ANKRD18B: variants seen among roughly 807,000 people sequenced by gnomAD.
ANKRD18B encodes the protein ankyrin repeat domain 18B.
A neutral mutation model predicts 111.8 loss-of-function variants in ANKRD18B; 75 were observed. That is an observed-to-expected ratio of 0.67 (90% CI 0.56 to 0.81). The LOEUF (loss-of-function observed/expected upper bound fraction) is 0.81, where lower values mean the gene tolerates loss of function less well. Ranked by LOEUF, ANKRD18B falls within the 40% of genes least tolerant of loss-of-function variation. ANKRD18B has a pLI of 0.00. For missense variants in ANKRD18B, 1,038 were observed against 1,225.5 expected (o/e 0.85, Z 2.28); for synonymous variants, 356 against 417.3 (o/e 0.85, Z 1.79).
chr9:33,539,230 G>A (rs1172715574), intron 6 of ANKRD18B, among the ~76,000 whole-genome samples: 3 of 152,150 alleles, frequency 2.0e-5, no homozygotes, highest in Non-Finnish European at 2.9e-5. Flanking sequence ...TTTACTGTGT[G>A]TCCAATGTCA....
At chr9:33,559,902 T>G (rs534044154) in intron 14 of ANKRD18B, among the ~76,000 whole-genome samples, 97 of 152,352 alleles carry the variant, frequency 6.4e-4, no homozygotes, top group African/African-American at 2.1e-3. Context: ...ACATCAATTT[T>G]AGAACACTTT....
At chr9:33,546,679 G>C (rs1271316079) in intron 10 of ANKRD18B, among the ~76,000 whole-genome samples, 1 of 152,094 alleles carries the variant, frequency 6.6e-6, no homozygotes, top group Non-Finnish European at 1.5e-5. Flanking sequence ...GTATTTATCT[G>C]GTAATTGATG....
Position 33,527,119 on chromosome 9 carries a change from G to A in ANKRD18B, c.207-1608G>A, listed in dbSNP as rs180924161. On this transcript the variant is annotated intron_variant, in intron 1 of 18. Coordinates refer to ENST00000684830, the MANE Select transcript of ANKRD18B (RefSeq NM_001393611.1). ...TTTTTCTCCCACCTTTCAAGCAAAA[G>A]CATTTCTGAAGGTAGAAAACAATAA... Among the ~76,000 whole-genome samples the A allele has an allele frequency of 3.3e-3, 509 of 152,218 alleles. 9 individuals carry two copies. Among genetic ancestry groups the A allele is most frequent in the Non-Finnish European group, 2.7e-3 (181 of 68,024 alleles).
At chr9:33,534,848 A>G (rs1828173149) in intron 5 of ANKRD18B, among the ~76,000 whole-genome samples, 2 of 124,240 alleles carry the variant, frequency 1.6e-5, no homozygotes, top group South Asian at 2.5e-4. Flanking sequence ...TTTTTTTGAG[A>G]CAAGGTCTCA....
In ANKRD18B at chr9:33,533,528, C is replaced by T. The variant is rs1275315169; in HGVS notation, c.585C>T (p.Ala195=). ...TGAAGAACCAGGCAAATATACATGC[C>T]GTTGACAATTTCAAAAGGTGCAATA... ...FLLKNQANIH[A]VDNFKRTALI... The change falls in exon 4 of 19, where the codon GCC becomes GCT. Residue 195 remains alanine, a synonymous_variant. Coordinates refer to ENST00000684830, the MANE Select transcript of ANKRD18B (RefSeq NM_001393611.1). 6.7e-5 allele frequency: 102 copies of T among 1,530,424 alleles called. No homozygotes were observed. The highest frequency in any genetic ancestry group is 7.9e-5 in the Non-Finnish European group (90 of 1,140,902). The allele number at this position is 1,530,424 out of a possible 1,614,324, so 94.8% of individuals were successfully genotyped here. A position where few individuals can be genotyped will look rare whatever the true frequency, so the allele number is the denominator to read the frequency against.
chr9:33,558,431 A>C (rs1372864744), intron 14 of ANKRD18B, among the ~76,000 whole-genome samples: 3 of 151,968 alleles, frequency 2.0e-5, no homozygotes, highest in African/African-American at 7.3e-5. Context: ...TCCCACTTAT[A>C]AGTGAGAGGA....
intron 1 of ANKRD18B, 33 bp downstream of exon 1, chr9:33,524,728 C>T (rs762194205): frequency 1.3e-6 from 2 of 1,529,706 alleles, no homozygotes; most frequent in South Asian, 2.4e-5. Flanking sequence ...TGGGAGGGGG[C>T]CCCCAGGCCC....
At position 33,572,979 on chromosome 9, in the gene ANKRD18B, A is replaced by G; in HGVS notation, c.*545A>G. The G allele has an allele frequency of 3.2e-6, 1 of 311,946 alleles. No individual in the cohort carries two copies. Among genetic ancestry groups the G allele is most frequent in the South Asian group, 1.2e-4 (1 of 8,456 alleles). 19.3% of individuals were successfully genotyped at this position (311,946 alleles called of 1,614,324 possible). On this transcript the variant is annotated 3_prime_UTR_variant, in exon 19 of 19. Transcript: ENST00000684830. ...TTTTCTTCTTTGTTCTACATGGAGAAATAAAACCAATAAATAAAGGAGAAG... is the reference window on the plus strand; with the variant it reads ...TTTTCTTCTTTGTTCTACATGGAGAGATAAAACCAATAAATAAAGGAGAAG...
At chr9:33,569,378 C>T (rs1323783845) in intron 17 of ANKRD18B, among the ~76,000 whole-genome samples, 1 of 150,896 alleles carries the variant, frequency 6.6e-6, no homozygotes, top group East Asian at 2.0e-4. Flanking sequence ...GATTCTCTTG[C>T]CTCAGCCTCC....
chr9:33,565,172 T>C (rs754912203), intron 14 of ANKRD18B, among the ~76,000 whole-genome samples: 1 of 152,252 alleles, frequency 6.6e-6, no homozygotes, highest in Admixed American at 6.5e-5. Context: ...CAATCTTCAA[T>C]TGATTCTGAG....
chr9:33,565,638 A>G (rs989309370), intron 14 of ANKRD18B, among the ~76,000 whole-genome samples: 1 of 150,152 alleles, frequency 6.7e-6, no homozygotes, highest in African/African-American at 2.4e-5. Context: ...TAATTTTTTA[A>G]ATTTGTTTTT....
In ANKRD18B at chr9:33,548,126, C is replaced by T; in HGVS notation, c.1338C>T (p.Leu446=). Residue 446 remains leucine, a synonymous_variant, in exon 11 of 19, where the codon CTC becomes CTT. Coordinates refer to ENST00000684830, the MANE Select transcript of ANKRD18B (RefSeq NM_001393611.1). ...CTAACTTTGAAAAGAGTGTAAGACT[C>T]AATGAAGAAATGATAACAAAAAAAG... The part of the protein sequence containing the change: ...INANFEKSVR[L]NEEMITKKVA... 6.5e-7 allele frequency: 1 copy of T among 1,534,284 alleles called. No homozygotes were observed.
chr9:33,574,911 T>G (rs576330746), downstream of ANKRD18B, among the ~76,000 whole-genome samples: 150 of 151,990 alleles, frequency 9.9e-4, 1 homozygote, highest in Admixed American at 2.1e-3. Context: ...CCTCTGTGTT[T>G]TGGAGCAGTT....
At chr9:33,544,741 G>A (rs1437185200) in intron 10 of ANKRD18B, among the ~76,000 whole-genome samples, 3 of 152,150 alleles carry the variant, frequency 2.0e-5, no homozygotes, top group Non-Finnish European at 2.9e-5. Context: ...GGAGGCTGAG[G>A]CAGGAGAATT....
rs1186150192 is a variant in ANKRD18B at position 33,529,104 on chromosome 9, G to T, written c.426G>T (p.Val142=). 2 of 1,611,874 alleles carry T rather than the reference G, an allele frequency of 1.2e-6. No individual in the cohort carries two copies. The highest frequency in any genetic ancestry group is 1.7e-6 in the Non-Finnish European group (2 of 1,179,862). ...IYGNTALHYA[V]YNEGTSLAER... ...GCAACACTGCTCTCCATTATGCCGT[G>T]TATAATGAGGGGACTTCACTGGCAG... Residue 142 remains valine, a synonymous_variant, in exon 3 of 19, where the codon GTG becomes GTT. Transcript: ENST00000684830.
chr9:33,573,835 G>C (rs1388349697), downstream of ANKRD18B, among the ~76,000 whole-genome samples: 4 of 145,302 alleles, frequency 2.8e-5, no homozygotes, highest in African/African-American at 9.7e-5. Context: ...GCAGGGACCT[G>C]GTTAGCGGTG....
intron 18 of ANKRD18B, 76 bp from the exon 19 acceptor site, chr9:33,572,240 C>G (rs1352890324): frequency 1.6e-5 from 18 of 1,136,646 alleles, no homozygotes; most frequent in East Asian, 2.4e-5. Flanking sequence ...ATGTTCTCAA[C>G]TCTACATTTT....
At chr9:33,563,445 A>G (rs950142728) in intron 14 of ANKRD18B, among the ~76,000 whole-genome samples, 9 of 152,078 alleles carry the variant, frequency 5.9e-5, no homozygotes, top group African/African-American at 2.2e-4. Context: ...GGCAGGCAGC[A>G]TGAACACCGA....
In ANKRD18B at chr9:33,548,855, A is replaced by G. The variant is rs1051012499; in HGVS notation, c.2067A>G (p.Glu689=). The G allele has an allele frequency of 6.8e-7, 1 of 1,477,796 alleles. No individual in the cohort carries two copies. The highest frequency in any genetic ancestry group is 9.0e-7 in the Non-Finnish European group (1 of 1,117,274). The allele number at this position is 1,477,796 out of a possible 1,614,324, so 91.5% of individuals were successfully genotyped here. A position where few individuals can be genotyped will look rare whatever the true frequency, so the allele number is the denominator to read the frequency against. Residue 689 remains glutamate (E), a splice_region_variant and synonymous_variant, in exon 11 of 19, where the codon GAA becomes GAG. Transcript: ENST00000684830. ...ATGAAAAAGAAAAAGCAGAAAGAGA[A>G]GTAAGTATGAAGAAAACTATAACCT... ...LQYEKEKAER[E]VIVREFQEEL... is the part of the protein sequence containing the mutation.
Sources: allele counts gnomAD v4.1 joint callset (sites outside exome capture counted in the v4.1 genomes callset), GRCh38; gene constraint gnomAD v4.1.1; transcripts MANE v1.5; gene names NCBI Gene and HGNC (gene_info 2026-07-23, HGNC 2026-07-21).